The following XPO4 variants were observed in gnomAD, a reference collection of about 807,000 sequenced individuals.
XPO4 encodes exportin 4.
Under a neutral mutation model 143.0 loss-of-function variants are expected in XPO4, and 39 were observed. The observed-to-expected ratio is 0.27, with a 90% confidence interval of 0.21 to 0.36. The LOEUF is 0.36. Ranked by LOEUF, XPO4 falls within the 10% of genes least tolerant of loss-of-function variation. The probability of loss-of-function intolerance (pLI) is 1.00; values close to 1 mark genes in which losing one functional copy is unlikely to be tolerated. For synonymous variants in XPO4, 439 were observed against 474.0 expected, an observed-to-expected ratio of 0.93 and a Z score of 0.96; for missense variants, 907 against 1,348.0, an observed-to-expected ratio of 0.67 and a Z score of 5.12.
intron 4 of XPO4, chr13:20,848,345 T>G (rs1223562013): frequency 1.0e-6 from 1 of 985,308 alleles, no homozygotes; most frequent in Non-Finnish European, 1.2e-6. Context: ...CAAGATTTCC[T>G]TCTTCAAATA....
At chr13:20,856,651 G>A (rs7323500) in intron 3 of XPO4, among the ~76,000 whole-genome samples, 124,077 of 152,098 alleles carry the variant, frequency 0.82, 50,802 homozygotes, top group East Asian at 1. Context: ...ATAATTATTA[G>A]TCGTTCTTTA....
chr13:20,794,888 C>G (rs2059335446), intron 18 of XPO4, among the ~76,000 whole-genome samples: 1 of 151,044 alleles, frequency 6.6e-6, no homozygotes, highest in Non-Finnish European at 1.5e-5. Flanking sequence ...GCTTTTCAGA[C>G]TATCTCACCT....
chr13:20,866,721 T>C (rs1169891012), intron 2 of XPO4, among the ~76,000 whole-genome samples: 2 of 152,194 alleles, frequency 1.3e-5, no homozygotes, highest in African/African-American at 4.8e-5. Context: ...GAACTAGCAA[T>C]ACTACTCTTT....
intron 9 of XPO4, among the ~76,000 whole-genome samples, chr13:20,813,235 A>G (rs2059606450): frequency 6.6e-6 from 1 of 152,170 alleles, no homozygotes; most frequent in South Asian, 2.1e-4. Context: ...CAAGATTACA[A>G]TTCGACATGT....
chr13:20,839,670 C>A (rs997900607), intron 6 of XPO4, among the ~76,000 whole-genome samples: 1 of 151,942 alleles, frequency 6.6e-6, no homozygotes, highest in Admixed American at 6.6e-5. Flanking sequence ...GACTCCATCT[C>A]CACAAAAATT....
chr13:20,821,638 T>C (rs1209101534), intron 9 of XPO4, 66 bp downstream of exon 9: 1 of 1,497,886 alleles, frequency 6.7e-7, no homozygotes, highest in East Asian at 2.4e-5. Flanking sequence ...TCATGAGAAA[T>C]GTTCCAAAGG....
chr13:20,869,929 C>T (rs1012017081), intron 1 of XPO4, among the ~76,000 whole-genome samples: 2 of 151,766 alleles, frequency 1.3e-5, no homozygotes, highest in African/African-American at 4.8e-5. Flanking sequence ...CATGGTGAAA[C>T]CCAGTCTCTA....
intron 4 of XPO4, chr13:20,851,764 C>T (rs1224529226): frequency 4.3e-6 from 4 of 936,966 alleles, no homozygotes; most frequent in Non-Finnish European, 3.8e-6. Flanking sequence ...AGAAATTTGA[C>T]TTTAAAAAAA....
At chr13:20,787,161 T>C in intron 21 of XPO4, 104 bp from the exon 22 acceptor site, 2 of 985,118 alleles carry the variant, frequency 2.0e-6, no homozygotes, top group South Asian at 1.8e-5. Flanking sequence ...TGTTATTCTA[T>C]TTATTAAATC....
intron 13 of XPO4, among the ~76,000 whole-genome samples, chr13:20,802,809 C>A (rs1415530666): frequency 2.0e-5 from 3 of 152,066 alleles, no homozygotes; most frequent in Non-Finnish European, 4.4e-5. Flanking sequence ...TTTTCAATGA[C>A]CATAAGACCA....
At position 20,852,262 on chromosome 13, in the gene XPO4, ACT is replaced by A; in HGVS notation, c.456+3363_456+3364del. 5 of 985,450 alleles carry A rather than the reference ACT, an allele frequency of 5.1e-6. No homozygotes were observed. In the South Asian group the frequency reaches 2.3e-4, roughly 46 times the overall value. The allele number at this position is 985,450 out of a possible 1,614,324, so 61.0% of individuals were successfully genotyped here. ...AAGGAGCTGGACTCCTTTACTGCAC[ACT>A]GTCAAAATGAAACAAGATGTTCTTA... On this transcript the variant is annotated intron_variant, in intron 4 of 22. Transcript: ENST00000255305.
chr13:20,861,250 A>G (rs941843570), intron 3 of XPO4, among the ~76,000 whole-genome samples: 3 of 152,096 alleles, frequency 2.0e-5, no homozygotes, highest in African/African-American at 7.2e-5. Flanking sequence ...AACTTAACAA[A>G]AAAAGGTAAA....
intron 4 of XPO4, 107 bp downstream of exon 4, chr13:20,855,520 G>C (rs1300689723): frequency 1.8e-6 from 2 of 1,135,994 alleles, no homozygotes; most frequent in Non-Finnish European, 2.3e-6. Flanking sequence ...TTGACTGATA[G>C]CTTTTTCACT....
intron 22 of XPO4, among the ~76,000 whole-genome samples, chr13:20,784,336 T>C (rs1234908182): frequency 1.3e-5 from 2 of 152,176 alleles, no homozygotes; most frequent in Non-Finnish European, 2.9e-5. Context: ...CAGAGGTTAA[T>C]AGAGATATCT....
chr13:20,848,480 T>C, intron 4 of XPO4: 1 of 985,420 alleles, frequency 1.0e-6, no homozygotes, highest in Non-Finnish European at 1.2e-6. Flanking sequence ...TGCTTAAAAA[T>C]ACCATGTAAT....
chr13:20,868,178 A>ATAT (rs1373330957), intron 2 of XPO4, among the ~76,000 whole-genome samples: 6 of 151,962 alleles, frequency 3.9e-5, no homozygotes, highest in East Asian at 3.9e-4. Context: ...TAAAAAAAAA[A>ATAT]AAAACTATGG....
chr13:20,785,642 G>C (rs1054799276), intron 22 of XPO4, among the ~76,000 whole-genome samples: 1 of 151,164 alleles, frequency 6.6e-6, no homozygotes, highest in African/African-American at 2.4e-5. Flanking sequence ...TCCAGCCTGG[G>C]TAATAATAAA....
intron 16 of XPO4, among the ~76,000 whole-genome samples, chr13:20,798,912 T>C (rs1243592474): frequency 6.6e-6 from 1 of 151,634 alleles, no homozygotes; most frequent in East Asian, 1.9e-4. Context: ...TCCCAGCCAC[T>C]TGGGAGGCTG....
At chr13:20,787,138 A>G in intron 21 of XPO4, 81 bp from the exon 22 acceptor site, 9 of 1,181,856 alleles carry the variant, frequency 7.6e-6, no homozygotes, top group Non-Finnish European at 1.1e-5. Flanking sequence ...AAAAAGAAGA[A>G]GAGAGGGTTG....
Sources: allele counts gnomAD v4.1 joint callset (sites outside exome capture counted in the v4.1 genomes callset), GRCh38; gene constraint gnomAD v4.1.1; transcripts MANE v1.5; gene names NCBI Gene and HGNC (gene_info 2026-07-23, HGNC 2026-07-21).